DAAM2: variants seen among roughly 807,000 people sequenced by gnomAD.
DAAM2 encodes the protein dishevelled associated activator of morphogenesis 2.
In DAAM2, 39 loss-of-function variants were observed where a neutral mutation model predicts 120.7. The observed-to-expected ratio is 0.32, with a 90% CI of 0.25 to 0.42. DAAM2 has a LOEUF of 0.42. Among genes scored for constraint, DAAM2 ranks in the 10% least tolerant of loss-of-function variants. DAAM2 has a pLI of 1.00. For missense variants in DAAM2, 1,283 were observed against 1,401.7 expected, an observed-to-expected ratio of 0.92 and a Z score of 1.35; for synonymous variants, 488 against 524.9, an observed-to-expected ratio of 0.93 and a Z score of 0.96.
chr6:39,840,229 A>AAAAC (rs113463795), intron 1 of DAAM2, among the ~76,000 whole-genome samples: 5,535 of 152,120 alleles, frequency 0.036, 170 homozygotes, highest in African/African-American at 0.083. Flanking sequence ...AATGTCTCAA[A>AAAAC]AAACAAACAA....
intron 1 of DAAM2, among the ~76,000 whole-genome samples, chr6:39,842,178 C>T (rs1233158702): frequency 6.6e-6 from 1 of 152,098 alleles, no homozygotes; most frequent in Non-Finnish European, 1.5e-5. Flanking sequence ...GGGTGTTAAC[C>T]ACTTTCTCCA....
intron 5 of DAAM2, among the ~76,000 whole-genome samples, chr6:39,866,945 A>C (rs1363294631): frequency 6.6e-6 from 1 of 152,228 alleles, no homozygotes; most frequent in Admixed American, 6.5e-5. Flanking sequence ...TTTCCCACCC[A>C]AGTCCTTGGA....
chr6:39,900,241 C>A lies in DAAM2; in HGVS notation c.2811+33C>A, dbSNP rs567295080. ...TGCCCCAACCCCCACTGCTTGCCAACCCAGCCTTATCTAAACAAGCTCCTT... is the reference window on the plus strand; with the variant it reads ...TGCCCCAACCCCCACTGCTTGCCAAACCAGCCTTATCTAAACAAGCTCCTT... On this transcript the variant is annotated intron_variant, in intron 23 of 24. Coordinates refer to ENST00000274867, the MANE Select transcript of DAAM2 (RefSeq NM_001201427.2). 3 of 1,602,738 alleles carry A rather than the reference C, an allele frequency of 1.9e-6. No individual in the cohort carries two copies. The South Asian group carries it at 3.4e-5, about 18-fold the overall frequency.
chr6:39,817,433 T>C (rs1322647624), intron 1 of DAAM2, among the ~76,000 whole-genome samples: 1 of 152,110 alleles, frequency 6.6e-6, no homozygotes, highest in Non-Finnish European at 1.5e-5. Flanking sequence ...TCTCTGCTTG[T>C]TTTAGTCCCT....
chr6:39,890,301 G>A (rs1179396850), intron 17 of DAAM2, among the ~76,000 whole-genome samples: 2 of 152,110 alleles, frequency 1.3e-5, no homozygotes, highest in African/African-American at 4.8e-5. Context: ...GTCCTGCACA[G>A]TTCAACCCTG....
In DAAM2 at chr6:39,900,213, G is replaced by T. The variant is rs768579705; in HGVS notation, c.2811+5G>T. On this transcript the variant is annotated splice_donor_5th_base_variant and intron_variant, in intron 23 of 24. Coordinates refer to ENST00000274867, the MANE Select transcript of DAAM2 (RefSeq NM_001201427.2). ...CTAAATGAGGCCAGGGACAAGGTAAGGGTGCCCCAACCCCCACTGCTTGCC... is the reference window on the plus strand; with the variant it reads ...CTAAATGAGGCCAGGGACAAGGTAATGGTGCCCCAACCCCCACTGCTTGCC... 3.7e-6 allele frequency: 6 copies of T among 1,609,276 alleles called. No homozygotes were observed. Among genetic ancestry groups the T allele is most frequent in the Non-Finnish European group, 5.1e-6 (6 of 1,178,076 alleles).
chr6:39,883,475 A>G lies in DAAM2; in HGVS notation c.1846-487A>G, dbSNP rs534799711. ...GAGGAAGACCCTTGGGAAAGAAAAC[A>G]ACCATCTGAGATACATAAATACAGT... On this transcript the variant is annotated intron_variant, in intron 14 of 24. Coordinates refer to ENST00000274867, the MANE Select transcript of DAAM2 (RefSeq NM_001201427.2). 4 of 152,944 alleles carry G rather than the reference A, an allele frequency of 2.6e-5. No individual in the cohort carries two copies. In the East Asian group the frequency reaches 7.7e-4, roughly 30 times the overall value. The allele number at this position is 152,944 out of a possible 1,614,324, so 9.5% of individuals were successfully genotyped here.
At chr6:39,888,501 A>G (rs1168354276) in intron 16 of DAAM2, 178 bp from the exon 17 acceptor site, 1 of 496,524 alleles carries the variant, frequency 2.0e-6, no homozygotes, top group East Asian at 3.0e-5. Flanking sequence ...GCTCATTATC[A>G]AGTTTGTGGA....
chr6:39,856,110 C>CCCCCGGG, intron 1 of DAAM2, 137 bp from the exon 2 acceptor site: 1 of 412,854 alleles, frequency 2.4e-6, no homozygotes, highest in Non-Finnish European at 3.7e-6. Context: ...GGGGCGACAG[C>CCCCCGGG]GGGGTGGGTG....
In DAAM2 at chr6:39,900,109, G is replaced by T; in HGVS notation, c.2712G>T (p.Glu904Asp). The T allele has an allele frequency of 6.2e-7, 1 of 1,600,554 alleles. No homozygotes were observed. The highest frequency in any genetic ancestry group is 1.7e-5 in the Admixed American group (1 of 58,512). The change falls in exon 23 of 25, where the codon GAG becomes GAT. Residue 904 changes from glutamate (E) to aspartate (D), a missense_variant. Glu to Asp is a conservative substitution (Grantham distance 45). Around this residue, in one of 3 missense-constraint regions of DAAM2, gnomAD observed 748 missense variants for 768.6 expected, o/e 0.97. Transcript: ENST00000274867. ...AGTATCAGAGGCGCCAGGTACGGGAGCCCAGTGACAAGTTTGTCCCTGTCA... is the reference window on the plus strand; with the variant it reads ...AGTATCAGAGGCGCCAGGTACGGGATCCCAGTGACAAGTTTGTCCCTGTCA... ...ELEYQRRQVR[E>D]PSDKFVPVMS...
chr6:39,902,766 A>G lies in DAAM2; in HGVS notation c.*729A>G, dbSNP rs1304672696. The G allele has an allele frequency of 1.3e-5, 2 of 152,290 alleles. No homozygotes were observed. The highest frequency in any genetic ancestry group is 4.8e-5 in the African/African-American group (2 of 41,432). The allele number at this position is 152,290 out of a possible 1,614,324, so 9.4% of individuals were successfully genotyped here. On this transcript the variant is annotated 3_prime_UTR_variant, in exon 25 of 25. Transcript: ENST00000274867. ...CCTGTCTACTAATCCACAGTCCTAG[A>G]AGACTCACCTTGGGTTTCCACAGCT... is the stretch of plus-strand genomic sequence containing the variant.
intron 1 of DAAM2, among the ~76,000 whole-genome samples, chr6:39,815,339 C>T (rs977120570): frequency 2.0e-5 from 3 of 152,308 alleles, no homozygotes; most frequent in East Asian, 1.9e-4. Flanking sequence ...CAGAAATTAA[C>T]ATGAACTCTG....
rs574915691 is a variant in DAAM2 at position 39,864,774 on chromosome 6, G to A, written c.334-206G>A. 3.8e-4 allele frequency among the ~76,000 whole-genome samples: 58 copies of A among 152,168 alleles called. No individual in the cohort carries two copies. In the South Asian group the frequency reaches 1.0e-2, roughly 26 times the overall value. ...TCACACAAACTTGGGAAATAAACCG[G>A]GCCAGTACTTCTCTCCATTTCACAG... On this transcript the variant is annotated intron_variant, in intron 4 of 24. Transcript: ENST00000274867.
In DAAM2 at chr6:39,867,620, G is replaced by C. The variant is rs1396417113; in HGVS notation, c.539G>C (p.Cys180Ser). Residue 180 changes from cysteine to serine, a missense_variant, in exon 6 of 25, where the codon TGC (cysteine) becomes TCC (serine). By Grantham distance (112) the Cys-to-Ser change is moderately radical. Coordinates refer to ENST00000274867, the MANE Select transcript of DAAM2 (RefSeq NM_001201427.2). Reference protein sequence around the residue: ...ESRIHTSLIGCIKALMNNSQG... With the variant: ...ESRIHTSLIGSIKALMNNSQG... ...CGCATCCACACCTCACTCATTGGCT[G>C]CATCAAAGCATTGATGAACAACTCC... The C allele has an allele frequency of 1.2e-6, 2 of 1,614,052 alleles. No homozygotes were observed. Among genetic ancestry groups the C allele is most frequent in the South Asian group, 1.1e-5 (1 of 91,088 alleles).
rs1257414901 is a variant in DAAM2 at position 39,851,972 on chromosome 6, C to T, written c.-56-4275C>T. ...GATGGGTGCAGTCAGGCTGGAGCCA[C>T]GAGAAGCGTTGCTTAACTGGCTGTG... is the stretch of plus-strand genomic sequence containing the variant. On this transcript the variant is annotated intron_variant, in intron 1 of 24. Transcript: ENST00000274867. Among the ~76,000 whole-genome samples the T allele has an allele frequency of 7.2e-5, 11 of 152,294 alleles. No individual in the cohort carries two copies. The East Asian group carries it at 7.7e-4, about 11-fold the overall frequency.
intron 1 of DAAM2, among the ~76,000 whole-genome samples, chr6:39,831,191 A>G (rs1335780982): frequency 6.6e-6 from 1 of 152,186 alleles, no homozygotes; most frequent in Non-Finnish European, 1.5e-5. Flanking sequence ...AAAATGCCCC[A>G]TGGAATATAC....
At chr6:39,848,016 T>C (rs1321715270) in intron 1 of DAAM2, among the ~76,000 whole-genome samples, 1 of 152,172 alleles carries the variant, frequency 6.6e-6, no homozygotes, top group African/African-American at 2.4e-5. Flanking sequence ...CTAGTAGAGC[T>C]TCTCATTCAT....
rs1766602202 is a variant in DAAM2 at position 39,903,469 on chromosome 6, G to A, written c.*1432G>A. 1 of 152,230 alleles carries A rather than the reference G, an allele frequency of 6.6e-6. No homozygotes were observed. The highest frequency in any genetic ancestry group is 1.5e-5 in the Non-Finnish European group (1 of 68,056). 9.4% of individuals were successfully genotyped at this position (152,230 alleles called of 1,614,324 possible). On this transcript the variant is annotated 3_prime_UTR_variant, in exon 25 of 25. Transcript: ENST00000274867. Reference sequence around the variant, plus strand: ...TCATGCTGGCCTTGGTGGATGGGATGGCTGTATCTAGACAAAATTTTTCTA... The same window carrying A: ...TCATGCTGGCCTTGGTGGATGGGATAGCTGTATCTAGACAAAATTTTTCTA...
intron 1 of DAAM2, among the ~76,000 whole-genome samples, chr6:39,814,540 GC>G (rs1306357078): frequency 6.6e-6 from 1 of 152,260 alleles, no homozygotes. Context: ...GTTTAGAACA[GC>G]TAAGGACCTG....
Sources: gnomAD v4.1 joint callset for allele counts (sites outside exome capture counted in the v4.1 genomes callset) on GRCh38, gnomAD v4.1.1 for gene constraint, gnomAD v4.1.1 regional missense constraint, MANE v1.5 for transcripts, NCBI Gene and HGNC (gene_info 2026-07-23, HGNC 2026-07-21) for gene names.